ACOXL: variants seen among roughly 807,000 people sequenced by gnomAD.
ACOXL encodes acyl-coenzyme A oxidase-like protein.
A neutral mutation model predicts 71.9 loss-of-function variants in ACOXL; 70 were observed. The ratio of observed to expected loss-of-function variants is 0.97; its 90% CI spans 0.80 to 1.19. The LOEUF (loss-of-function observed/expected upper bound fraction) is 1.19. ACOXL is among the 50% of genes most tolerant of loss of function. ACOXL has a pLI of 0.00. For synonymous variants in ACOXL, 253 were observed against 281.6 expected (o/e 0.90, Z 1.02); for missense variants, 703 against 736.3 (o/e 0.95, Z 0.52).
Position 110,933,519 on chromosome 2 carries a change from C to T in ACOXL, c.936C>T (p.Val312=). 6.2e-7 allele frequency: 1 copy of T among 1,614,188 alleles called. No individual in the cohort carries two copies. Among genetic ancestry groups the T allele is most frequent in the Non-Finnish European group, 8.5e-7 (1 of 1,180,008 alleles). ...CTGGGGCCCTCCTGGATGAGGATGT[C>T]TTCCAGGGAAAGGAGCTGGTCAACA... is the stretch of plus-strand genomic sequence containing the variant. ...RYAGALLDED[V]FQGKELVNSR... Residue 312 remains valine, a synonymous_variant, in exon 12 of 18, where the codon GTC becomes GTT. Transcript: ENST00000439055.
chr2:110,890,734 T>G (rs2149142738), intron 10 of ACOXL, among the ~76,000 whole-genome samples: 1 of 152,324 alleles, frequency 6.6e-6, no homozygotes, highest in African/African-American at 2.4e-5. Flanking sequence ...GTTTTCCAAT[T>G]GAGAAGTGTG....
chr2:111,078,761 C>T (rs1290588434), intron 16 of ACOXL, among the ~76,000 whole-genome samples: 5 of 152,202 alleles, frequency 3.3e-5, no homozygotes, highest in African/African-American at 1.2e-4. Context: ...CCTTCATATG[C>T]TGAAAAATAT....
rs573350257 is a variant in ACOXL at position 111,090,146 on chromosome 2, T to C, written c.1441-2719T>C. ...ATCAATAGCTATGAGTTATAGGAAA[T>C]TGGGTTTCAGCTAATATCATACAGT... On this transcript the variant is annotated intron_variant, in intron 16 of 17. Transcript: ENST00000439055. Among the ~76,000 whole-genome samples, 24 of 152,226 alleles carry C rather than the reference T, an allele frequency of 1.6e-4. 2 individuals carry two copies. In the South Asian group the frequency reaches 4.6e-3, roughly 29 times the overall value.
At chr2:110,904,693 T>C (rs1284444603) in intron 10 of ACOXL, among the ~76,000 whole-genome samples, 1 of 152,130 alleles carries the variant, frequency 6.6e-6, no homozygotes, top group Non-Finnish European at 1.5e-5. Flanking sequence ...ACAATAGCAT[T>C]GGTTAGAAGG....
intron 12 of ACOXL, among the ~76,000 whole-genome samples, chr2:110,971,246 T>G (rs1466662613): frequency 6.6e-6 from 1 of 152,216 alleles, no homozygotes; most frequent in African/African-American, 2.4e-5. Flanking sequence ...ATTATGGAAA[T>G]GCAAATCAAA....
chr2:111,117,359 G>C (rs1388978144), intron 17 of ACOXL, among the ~76,000 whole-genome samples: 1 of 152,214 alleles, frequency 6.6e-6, no homozygotes, highest in Non-Finnish European at 1.5e-5. Context: ...AAAGCCGACC[G>C]ACCCCACGTC....
chr2:110,956,505 C>T (rs1044844732), intron 12 of ACOXL, among the ~76,000 whole-genome samples: 1 of 152,154 alleles, frequency 6.6e-6, no homozygotes, highest in Non-Finnish European at 1.5e-5. Context: ...GGAGACCCAA[C>T]CCAGATCTCA....
intron 1 of ACOXL, among the ~76,000 whole-genome samples, chr2:110,744,236 C>A (rs879653818): frequency 2.0e-5 from 3 of 152,202 alleles, no homozygotes; most frequent in Non-Finnish European, 4.4e-5. Context: ...ACCCAGTGGT[C>A]CCACTTTACC....
intron 16 of ACOXL, among the ~76,000 whole-genome samples, chr2:111,058,678 G>C (rs1182891679): frequency 5.3e-5 from 8 of 152,092 alleles, no homozygotes; most frequent in Non-Finnish European, 8.8e-5. Context: ...AAGCACCATA[G>C]ATAAAAACTT....
intron 17 of ACOXL, chr2:111,098,439 C>G (rs2068929597): frequency 1.3e-5 from 2 of 152,156 alleles, no homozygotes; most frequent in Non-Finnish European, 2.9e-5. Context: ...CAAGCTTGTC[C>G]ATAATACCTG....
At chr2:110,797,373 T>C (rs1685409992) in intron 5 of ACOXL, among the ~76,000 whole-genome samples, 1 of 152,238 alleles carries the variant, frequency 6.6e-6, no homozygotes, top group African/African-American at 2.4e-5. Flanking sequence ...ATTTACAAGT[T>C]CTTCCATTTT....
intron 17 of ACOXL, among the ~76,000 whole-genome samples, chr2:111,115,856 C>T (rs774332535): frequency 1.3e-5 from 2 of 152,136 alleles, no homozygotes; most frequent in Non-Finnish European, 2.9e-5. Flanking sequence ...GTGAAGAAAC[C>T]CTCCTTTTCA....
chr2:110,921,388 ACCC>A lies in ACOXL; in HGVS notation c.906-12091_906-12089del, dbSNP rs376926482. Among the ~76,000 whole-genome samples, 251 of 57,604 alleles carry A rather than the reference ACCC, an allele frequency of 4.4e-3. 3 individuals are homozygous for A. The highest frequency in any genetic ancestry group is 0.013 in the African/African-American group (220 of 17,018). 37.8% of individuals were successfully genotyped at this position (57,604 alleles called of 152,430 possible). On this transcript the variant is annotated intron_variant, in intron 11 of 17. Transcript: ENST00000439055. ...TCTCTCTCTGTGTCTCTATATATCC[ACCC>A]CCCCCCCCCTTTTTTTTTTGAGGCA...
intron 12 of ACOXL, among the ~76,000 whole-genome samples, chr2:110,953,086 T>C (rs1574261776): frequency 6.6e-6 from 1 of 152,300 alleles, no homozygotes; most frequent in East Asian, 1.9e-4. Context: ...ACGCTCTACA[T>C]TCATTAACAT....
In ACOXL at chr2:110,913,037, C is replaced by G. The variant is rs546934931; in HGVS notation, c.905+4132C>G. The stretch of plus-strand genomic sequence containing the variant: ...AAAGTCATTATTTGTCAAGGAAGTA[C>G]AAATCAAAACAGCAATCAGATAAAA... On this transcript the variant is annotated intron_variant, in intron 11 of 17. Coordinates refer to ENST00000439055, the MANE Select transcript of ACOXL (RefSeq NM_001142807.4). 4.9e-4 allele frequency among the ~76,000 whole-genome samples: 74 copies of G among 152,176 alleles called. 1 individual carries two copies. The highest frequency in any genetic ancestry group is 7.8e-4 in the Admixed American group (12 of 15,294).
rs1007004909 is a variant in ACOXL at position 110,982,741 on chromosome 2, C to T, written c.1060-4367C>T. Among the ~76,000 whole-genome samples, 23 of 152,274 alleles carry T rather than the reference C, an allele frequency of 1.5e-4. No homozygotes were observed. In the Middle Eastern group the frequency reaches 0.01, roughly 68 times the overall value. On this transcript the variant is annotated intron_variant, in intron 12 of 17. Transcript: ENST00000439055. ...ATATTATTTTAGTATAAGTATGACCCATGCAATATTTTGGTGTCCAAATAC... is the reference window on the plus strand; with the variant it reads ...ATATTATTTTAGTATAAGTATGACCTATGCAATATTTTGGTGTCCAAATAC...
chr2:110,941,092 A>G (rs2060851625), intron 12 of ACOXL, among the ~76,000 whole-genome samples: 1 of 152,214 alleles, frequency 6.6e-6, no homozygotes, highest in Admixed American at 6.5e-5. Flanking sequence ...TACTGGTTGG[A>G]ATTTTCATAA....
At chr2:110,904,319 G>C (rs779183896) in intron 10 of ACOXL, among the ~76,000 whole-genome samples, 1 of 152,164 alleles carries the variant, frequency 6.6e-6, no homozygotes, top group Non-Finnish European at 1.5e-5. Flanking sequence ...GCACACCAGT[G>C]TCTGAGAATT....
chr2:110,803,939 A>G (rs1204581502), intron 8 of ACOXL, among the ~76,000 whole-genome samples: 4 of 152,074 alleles, frequency 2.6e-5, no homozygotes, highest in Non-Finnish European at 5.9e-5. Context: ...TTAGGAAGAT[A>G]CGAATCAAAA....
Sources: allele counts gnomAD v4.1 joint callset (sites outside exome capture counted in the v4.1 genomes callset), GRCh38; gene constraint gnomAD v4.1.1; transcripts MANE v1.5; gene names NCBI Gene and HGNC (gene_info 2026-07-23, HGNC 2026-07-21).